The following GORASP1 variants were observed in gnomAD, a reference collection of about 807,000 sequenced individuals.
GORASP1 encodes golgi reassembly stacking protein 1, also known as Golgi reassembly-stacking protein 1.
Under a neutral mutation model 37.7 loss-of-function variants are expected in GORASP1, and 31 were observed. The observed-to-expected ratio is 0.82, with a 90% CI of 0.62 to 1.11. The LOEUF is 1.11. Ranked by LOEUF, GORASP1 falls within the 50% of genes least tolerant of loss-of-function variation. GORASP1 has a pLI of 0.00. For synonymous variants in GORASP1, 204 were observed against 224.8 expected, an observed-to-expected ratio of 0.91 and a Z score of 0.83; for missense variants, 476 against 560.7, an observed-to-expected ratio of 0.85 and a Z score of 1.53.
At position 39,097,189 on chromosome 3, in the gene GORASP1, G is replaced by A. The variant is rs1405819216; in HGVS notation, c.*1047C>T. 1.3e-5 allele frequency: 2 copies of A among 152,250 alleles called. No individual in the cohort carries two copies. Among genetic ancestry groups the A allele is most frequent in the African/African-American group, 4.8e-5 (2 of 41,464 alleles). 9.4% of individuals were successfully genotyped at this position (152,250 alleles called of 1,614,324 possible). ...GCATTACAAATGATCCTGTAAAGGT[G>A]AGACTTTCAACTAGGCACAAGCTAG... On this transcript the variant is annotated 3_prime_UTR_variant, in exon 9 of 9. Transcript: ENST00000319283.
chr3:39,101,919 A>G (rs2125703708), intron 3 of GORASP1, among the ~76,000 whole-genome samples: 1 of 152,362 alleles, frequency 6.6e-6, no homozygotes, highest in South Asian at 2.1e-4. Context: ...GTCTGTGGAC[A>G]GACTAACATC....
At chr3:39,107,055 C>G (rs779719053) in intron 1 of GORASP1, 1 of 462,190 alleles carries the variant, frequency 2.2e-6, no homozygotes, top group Non-Finnish European at 4.3e-6. Flanking sequence ...AACCCCGGCC[C>G]CCGGGACTGT....
Position 39,100,769 on chromosome 3 carries a change from C to T in GORASP1, c.544G>A (p.Ala182Thr), listed in dbSNP as rs1053094276. The change falls in exon 5 of 9, where the codon GCA becomes ACA. Residue 182 changes from alanine (A) to threonine (T), a missense_variant. Coordinates refer to ENST00000319283, the MANE Select transcript of GORASP1 (RefSeq NM_031899.4). This position sits in a 1 kb window ranked among gnomAD's most constrained non-coding sequence, Gnocchi z 4.6. ...SCREVTVTPN[A>T]AWGGEGSLGC... ...TACCTGCCCTCTCCACCCCAGGCTG[C>T]GTTGGGAGTTACAGTCACCTCCCGG... 32 of 1,613,854 alleles carry T rather than the reference C, an allele frequency of 2.0e-5. No homozygotes were observed. The highest frequency in any genetic ancestry group is 2.6e-5 in the Non-Finnish European group (31 of 1,180,000).
At position 39,102,872 on chromosome 3, in the gene GORASP1, TCTC is replaced by T; in HGVS notation, c.151_153del (p.Glu51del). 6.2e-7 allele frequency: 1 copy of T among 1,614,106 alleles called. No homozygotes were observed. Among genetic ancestry groups the T allele is most frequent in the Non-Finnish European group, 8.5e-7 (1 of 1,179,996 alleles). On this transcript the variant is annotated inframe_deletion, in exon 3 of 9. Coordinates refer to ENST00000319283, the MANE Select transcript of GORASP1 (RefSeq NM_031899.4). The surrounding 1 kb of genome is among the most constrained non-coding windows in gnomAD (Gnocchi z 5.0). ...TTCAGTAGTGCCTTCAGGGTGTCAT[TCTC>T]CTTGTTCTGTGGGGGCAATGGGGCT...
In GORASP1 at chr3:39,105,389, A is replaced by T. The variant is rs1241447704; in HGVS notation, c.64-1836T>A. ...GGAACTCACAGTGATCACAACTTAC[A>T]CTTACTAAGGGCTGGTTGGCTGAGT... On this transcript the variant is annotated intron_variant, in intron 1 of 8. Transcript: ENST00000319283. The surrounding 1 kb of genome is among the most constrained non-coding windows in gnomAD (Gnocchi z 5.4). 1.1e-4 allele frequency among the ~76,000 whole-genome samples: 17 copies of T among 151,856 alleles called. No homozygotes were observed. Among genetic ancestry groups the T allele is most frequent in the Admixed American group, 1.1e-3 (17 of 15,268 alleles).
chr3:39,106,950 G>A (rs1431019174), intron 1 of GORASP1: 1 of 388,936 alleles, frequency 2.6e-6, no homozygotes, highest in African/African-American at 2.1e-5. Context: ...CCCGTGGCTG[G>A]TTTGCACCGG....
At position 39,096,681 on chromosome 3, in the gene GORASP1, A is replaced by G. The variant is rs1170093731; in HGVS notation, c.*1555T>C. The G allele has an allele frequency of 6.6e-6, 1 of 152,248 alleles. No individual in the cohort carries two copies. The highest frequency in any genetic ancestry group is 1.5e-5 in the Non-Finnish European group (1 of 68,050). The allele number at this position is 152,248 out of a possible 1,614,324, so 9.4% of individuals were successfully genotyped here. ...GTTAAAATATTTCAAAGTGTAGTAC[A>G]CATTTATTTTCATTTGTTATTTTCT... On this transcript the variant is annotated 3_prime_UTR_variant, in exon 9 of 9. Transcript: ENST00000319283.
In GORASP1 at chr3:39,097,971, C is replaced by T. The variant is rs1391546634; in HGVS notation, c.*265G>A. ...ACTGGACAGCAACCCCTTCCTTCCTCACCTCATCTTCACACTGGATTATGA... is the reference window on the plus strand; with the variant it reads ...ACTGGACAGCAACCCCTTCCTTCCTTACCTCATCTTCACACTGGATTATGA... On this transcript the variant is annotated 3_prime_UTR_variant, in exon 9 of 9. Coordinates refer to ENST00000319283, the MANE Select transcript of GORASP1 (RefSeq NM_031899.4). The T allele has an allele frequency of 2.0e-6, 1 of 504,960 alleles. No homozygotes were observed. Among genetic ancestry groups the T allele is most frequent in the African/African-American group, 1.9e-5 (1 of 51,858 alleles). 31.3% of individuals were successfully genotyped at this position (504,960 alleles called of 1,614,324 possible).
At position 39,103,121 on chromosome 3, in the gene GORASP1, CAAAG is replaced by C. The variant is rs2035824758; in HGVS notation, c.145-244_145-241del. 4 of 603,078 alleles carry C rather than the reference CAAAG, an allele frequency of 6.6e-6. No homozygotes were observed. Among genetic ancestry groups the C allele is most frequent in the South Asian group, 6.0e-5 (3 of 50,138 alleles). 37.4% of individuals were successfully genotyped at this position (603,078 alleles called of 1,614,324 possible). A position where few individuals can be genotyped will look rare whatever the true frequency, so the allele number is the denominator to read the frequency against. On this transcript the variant is annotated intron_variant, in intron 2 of 8. Coordinates refer to ENST00000319283, the MANE Select transcript of GORASP1 (RefSeq NM_031899.4). The surrounding 1 kb of genome is among the most constrained non-coding windows in gnomAD (Gnocchi z 5.2). Reference sequence around the variant, plus strand: ...ACCTTCCTCAGCCTGCCAGAAAAAACAAAGCAAGCAAAAAGCCTCCCAGATCCAC... The same window carrying C: ...ACCTTCCTCAGCCTGCCAGAAAAAACCAAGCAAAAAGCCTCCCAGATCCAC...
Position 39,098,531 on chromosome 3 carries a change from T to C in GORASP1, c.1070-42A>G. The C allele has an allele frequency of 1.9e-6, 3 of 1,583,128 alleles. No individual in the cohort carries two copies. The highest frequency in any genetic ancestry group is 2.6e-6 in the Non-Finnish European group (3 of 1,164,130). On this transcript the variant is annotated intron_variant, in intron 8 of 8. Transcript: ENST00000319283. The surrounding 1 kb of genome is among the most constrained non-coding windows in gnomAD (Gnocchi z 4.7). ...CAGGCTGAGGAGGTCTGCAAGAACC[T>C]AGGGCCATGGTGTTAGGGCCAGTAA...
At position 39,102,085 on chromosome 3, in the gene GORASP1, C is replaced by T. The variant is rs1341093471; in HGVS notation, c.348+593G>A. Among the ~76,000 whole-genome samples, 1 of 137,226 alleles carries T rather than the reference C, an allele frequency of 7.3e-6. No individual in the cohort carries two copies. The highest frequency in any genetic ancestry group is 1.5e-5 in the Non-Finnish European group (1 of 64,670). The allele number at this position is 137,226 out of a possible 152,430, so 90.0% of individuals were successfully genotyped here. ...TCATTGTTGTGCAAACATCATAGAACTTAACCTACACATAGCCTACTAGAC... is the reference window on the plus strand; with the variant it reads ...TCATTGTTGTGCAAACATCATAGAATTTAACCTACACATAGCCTACTAGAC... On this transcript the variant is annotated intron_variant, in intron 3 of 8. Coordinates refer to ENST00000319283, the MANE Select transcript of GORASP1 (RefSeq NM_031899.4). This position sits in a 1 kb window ranked among gnomAD's most constrained non-coding sequence, Gnocchi z 5.0.
chr3:39,107,558 G>C lies in GORASP1; in HGVS notation c.-17C>G. On this transcript the variant is annotated 5_prime_UTR_variant, in exon 1 of 9. Coordinates refer to ENST00000319283, the MANE Select transcript of GORASP1 (RefSeq NM_031899.4). ...CAGGCCCATGGCAGCGGCTCCGCTC[G>C]GCACCCAGGTCCAGTCCCGCTGCGC... 6.7e-7 allele frequency: 1 copy of C among 1,486,102 alleles called. No homozygotes were observed. Among genetic ancestry groups the C allele is most frequent in the Middle Eastern group, 1.8e-4 (1 of 5,556 alleles). The allele number at this position is 1,486,102 out of a possible 1,614,324, so 92.1% of individuals were successfully genotyped here.
intron 1 of GORASP1, among the ~76,000 whole-genome samples, chr3:39,104,684 G>C (rs896826538): frequency 3.3e-5 from 5 of 152,184 alleles, no homozygotes; most frequent in Admixed American, 3.3e-4. Context: ...TGAGATCAAG[G>C]CCAGTTTGCC....
Position 39,100,967 on chromosome 3 carries a change from C to T in GORASP1, c.435+49G>A, listed in dbSNP as rs2035664889. On this transcript the variant is annotated intron_variant, in intron 4 of 8. Transcript: ENST00000319283. This position sits in a 1 kb window ranked among gnomAD's most constrained non-coding sequence, Gnocchi z 4.6. ...TTCTCATGGACAGCACCCTTCTCTT[C>T]ACACCACATCCAGAGGGTCTGGGGA... is the stretch of plus-strand genomic sequence containing the variant. 2.5e-6 allele frequency: 4 copies of T among 1,613,582 alleles called. No homozygotes were observed. The Admixed American group carries it at 6.7e-5, about 27-fold the overall frequency.
rs963659420 is a variant in GORASP1 at position 39,098,871 on chromosome 3, A to G, written c.939T>C (p.Ile313=). Residue 313 remains isoleucine, a synonymous_variant, in exon 8 of 9, where the codon ATT becomes ATC. Coordinates refer to ENST00000319283, the MANE Select transcript of GORASP1 (RefSeq NM_031899.4). The surrounding 1 kb of genome is among the most constrained non-coding windows in gnomAD (Gnocchi z 4.7). The part of the protein sequence containing the change: ...MDPGFLDVSG[I]SLLDNSNASV... ...TGGCATTGCTGTTGTCCAAGAGAGA[A>G]ATTCCCGACACGTCCAGGAAGCCTA... The G allele has an allele frequency of 1.9e-5, 30 of 1,613,948 alleles. No individual in the cohort carries two copies. The Admixed American group carries it at 3.8e-4, about 21-fold the overall frequency.
chr3:39,099,211 A>C, intron 7 of GORASP1, 142 bp downstream of exon 7: 1 of 986,282 alleles, frequency 1.0e-6, no homozygotes, highest in Non-Finnish European at 1.6e-6. Flanking sequence ...TCTGTATACT[A>C]GATTGGATGA....
At position 39,098,636 on chromosome 3, in the gene GORASP1, G is replaced by GT; in HGVS notation, c.1069+104dup. On this transcript the variant is annotated intron_variant, in intron 8 of 8. Transcript: ENST00000319283. This position sits in a 1 kb window ranked among gnomAD's most constrained non-coding sequence, Gnocchi z 4.7. ...AGTGTACAAATGCCTTGGTGTGGCT[G>GT]TATCAACCCGATGGCCCACTTCTGC... The GT allele has an allele frequency of 6.6e-7, 1 of 1,511,364 alleles. No individual in the cohort carries two copies. Among genetic ancestry groups the GT allele is most frequent in the African/African-American group, 1.4e-5 (1 of 72,940 alleles). The allele number at this position is 1,511,364 out of a possible 1,614,324, so 93.6% of individuals were successfully genotyped here. A position where few individuals can be genotyped will look rare whatever the true frequency, so the allele number is the denominator to read the frequency against.
In GORASP1 at chr3:39,101,070, G is replaced by T. The variant is rs2293306; in HGVS notation, c.381C>A (p.Ala127=). 1.2e-6 allele frequency: 2 copies of T among 1,613,996 alleles called. No individual in the cohort carries two copies. Among genetic ancestry groups the T allele is most frequent in the East Asian group, 4.5e-5 (2 of 44,898 alleles). The change falls in exon 4 of 9, where the codon GCC becomes GCA. Residue 127 remains alanine (A), a synonymous_variant. Coordinates refer to ENST00000319283, the MANE Select transcript of GORASP1 (RefSeq NM_031899.4). ...CATAGTCTGTGTAGGGGCGCAGGCC[G>T]GCAAGGGCAGCAGGTGAAGATGGTT... The part of the protein sequence containing the change: ...DVEPSSPAAL[A]GLRPYTDYVV...
At position 39,106,937 on chromosome 3, in the gene GORASP1, T is replaced by TATCC. The variant is rs150071879; in HGVS notation, c.63+538_63+541dup. 8.3e-3 allele frequency: 2,971 copies of TATCC among 359,560 alleles called. 20 individuals are homozygous for TATCC. Among genetic ancestry groups the TATCC allele is most frequent in the Non-Finnish European group, 0.012 (1,987 of 170,790 alleles). The allele number at this position is 359,560 out of a possible 1,614,324, so 22.3% of individuals were successfully genotyped here. ...CTCTCCCGGCCCTCCCGCTCCCCAC[T>TATCC]ATCCCGTGGCTGGTTTGCACCGGTC... On this transcript the variant is annotated intron_variant, in intron 1 of 8. Transcript: ENST00000319283.
Sources: gnomAD v4.1 joint callset for allele counts (sites outside exome capture counted in the v4.1 genomes callset) on GRCh38, gnomAD v4.1.1 for gene constraint, Gnocchi (gnomAD v3.1) non-coding constraint, MANE v1.5 for transcripts, NCBI Gene and HGNC (gene_info 2026-07-23, HGNC 2026-07-21) for gene names.